Variants in TTC6 observed in about 807,000 individuals in gnomAD.
The protein encoded by TTC6 is tetratricopeptide repeat domain 6, also known as tetratricopeptide repeat protein 6.
Under a neutral mutation model 210.4 loss-of-function variants are expected in TTC6, and 172 were observed. The ratio of observed to expected loss-of-function variants is 0.82; its 90% CI spans 0.72 to 0.93. The LOEUF (loss-of-function observed/expected upper bound fraction) is 0.93. Among genes scored for constraint, TTC6 ranks in the 40% least tolerant of loss-of-function variants. The pLI, the probability that TTC6 is intolerant of heterozygous loss-of-function variation, is 0.00. For missense variants in TTC6, 2,414 were observed against 2,318.1 expected, an observed-to-expected ratio of 1.04 and a Z score of -0.85; for synonymous variants, 804 against 819.6, an observed-to-expected ratio of 0.98 and a Z score of 0.32.
At chr14:37,633,033 A>C (rs1250141067) in intron 1 of TTC6, among the ~76,000 whole-genome samples, 1 of 152,198 alleles carries the variant, frequency 6.6e-6, no homozygotes, top group Non-Finnish European at 1.5e-5. Context: ...AAGAATTTTA[A>C]GCCAGTGGAT....
intron 14 of TTC6, among the ~76,000 whole-genome samples, chr14:37,778,948 T>C (rs10872904): frequency 0.94 from 143,301 of 152,180 alleles, 67,796 homozygotes; most frequent in Non-Finnish European, 1. Flanking sequence ...GGGGTATGGG[T>C]ATCCCTGACT....
intron 1 of TTC6, among the ~76,000 whole-genome samples, chr14:37,656,252 A>C (rs1203687261): frequency 3.3e-5 from 5 of 152,182 alleles, no homozygotes; most frequent in Non-Finnish European, 5.9e-5. Flanking sequence ...AAGGCATCCC[A>C]AAAACTACAG....
intron 14 of TTC6, among the ~76,000 whole-genome samples, chr14:37,787,260 G>T (rs536487380): frequency 1.3e-5 from 2 of 152,172 alleles, no homozygotes; most frequent in Non-Finnish European, 2.9e-5. Context: ...TACCTGATAA[G>T]CATATAATTA....
At chr14:37,728,428 A>C (rs879598797) in intron 7 of TTC6, among the ~76,000 whole-genome samples, 145 of 150,166 alleles carry the variant, frequency 9.7e-4, no homozygotes, top group Admixed American at 1.2e-3. Context: ...AAAAAAAAAA[A>C]AAAAAAAAAA....
chr14:37,835,436 G>A (rs548677933), intron 29 of TTC6, among the ~76,000 whole-genome samples: 4 of 152,054 alleles, frequency 2.6e-5, no homozygotes, highest in African/African-American at 9.7e-5. Context: ...GGATAATTAG[G>A]ATCAAAATCT....
chr14:37,701,649 T>G, intron 5 of TTC6, 123 bp downstream of exon 7: 1 of 906,254 alleles, frequency 1.1e-6, no homozygotes, highest in Non-Finnish European at 1.6e-6. Flanking sequence ...GAGGGAGCAG[T>G]TTTTGTTTTT....
chr14:37,813,044 CAG>C (rs1179209188), intron 25 of TTC6, among the ~76,000 whole-genome samples: 2 of 152,008 alleles, frequency 1.3e-5, no homozygotes, highest in African/African-American at 4.8e-5. Context: ...GATTAAGAAA[CAG>C]AAGGTAAAAA....
chr14:37,772,095 TG>T (rs979673342), intron 14 of TTC6, among the ~76,000 whole-genome samples: 2 of 151,864 alleles, frequency 1.3e-5, no homozygotes, highest in Admixed American at 1.3e-4. Context: ...TGCTGGGGGG[TG>T]CCTCCCAGTT....
exon 1 of TTC6, chr14:37,622,310 T>A (rs1396563128): frequency 6.5e-7 from 1 of 1,533,946 alleles, no homozygotes; most frequent in Non-Finnish European, 8.7e-7. Context: ...TTAAAGGCCC[T>A]GCGATGTCCG....
rs1287547668 is a variant in TTC6, at chr14:37,787,652, A to G, written c.3436+15A>G. On this transcript the variant is annotated intron_variant, in intron 15 of 30. Coordinates refer to ENST00000553443, the Ensembl canonical transcript of TTC6. The stretch of plus-strand genomic sequence containing the variant: ...TAGTGTTTCAGGTACTTTGCCTTCA[A>G]TTACATGTATATAGCAACCCAATCT... 5 of 1,438,846 alleles carry G rather than the reference A, an allele frequency of 3.5e-6. No individual in the cohort carries two copies. Among genetic ancestry groups the G allele is most frequent in the East Asian group, 2.5e-5 (1 of 40,006 alleles). The allele number at this position is 1,438,846 out of a possible 1,614,324, so 89.1% of individuals were successfully genotyped here.
chr14:37,765,650 G>A (rs1595221835), intron 14 of TTC6, among the ~76,000 whole-genome samples: 1 of 152,016 alleles, frequency 6.6e-6, no homozygotes, highest in Non-Finnish European at 1.5e-5. Flanking sequence ...TCTTTACCTT[G>A]TTGTATGGTT....
intron 1 of TTC6, among the ~76,000 whole-genome samples, chr14:37,623,681 C>T (rs1052767699): frequency 7.9e-5 from 12 of 152,120 alleles, no homozygotes; most frequent in African/African-American, 2.4e-4. Flanking sequence ...AAAAGATTGG[C>T]ACAGTGTTCT....
In TTC6 at chr14:37,759,639, T is replaced by G. The variant is rs146339379; in HGVS notation, c.3266+6404T>G. 7.6e-4 allele frequency among the ~76,000 whole-genome samples: 116 copies of G among 152,322 alleles called. 1 individual carries two copies. In the Middle Eastern group the frequency reaches 0.01, roughly 13 times the overall value. ...TCCCTGTTACTTCCAGGTATACCAA[T>G]CAATCGTAGGTTTGGTCTTTTCACA... On this transcript the variant is annotated intron_variant, in intron 14 of 30. Transcript: ENST00000553443.
chr14:37,656,428 C>T (rs962303419), intron 1 of TTC6, among the ~76,000 whole-genome samples: 4 of 152,088 alleles, frequency 2.6e-5, no homozygotes, highest in African/African-American at 9.7e-5. Context: ...GTGAGAGAGA[C>T]AGGCTTCAAA....
chr14:37,670,417 G>A (rs781611498), intron 1 of TTC6, among the ~76,000 whole-genome samples: 14 of 146,202 alleles, frequency 9.6e-5, no homozygotes, highest in Non-Finnish European at 1.8e-4. Flanking sequence ...TACACAGTAT[G>A]TTTTGTTAAC....
intron 29 of TTC6, among the ~76,000 whole-genome samples, chr14:37,836,518 A>C (rs2096198195): frequency 6.6e-6 from 1 of 152,184 alleles, no homozygotes; most frequent in South Asian, 2.1e-4. Context: ...GGTTAGATCT[A>C]AAGTGTAGTT....
intron 3 of TTC6, among the ~76,000 whole-genome samples, chr14:37,691,301 G>C (rs192703811): frequency 6.2e-4 from 95 of 152,214 alleles, no homozygotes; most frequent in Non-Finnish European, 2.9e-5. Context: ...CTGCACTACA[G>C]CCTGTGTGAC....
intron 4 of TTC6, among the ~76,000 whole-genome samples, chr14:37,700,712 C>A (rs2095823421): frequency 7.7e-6 from 1 of 130,326 alleles, no homozygotes; most frequent in Non-Finnish European, 1.5e-5. Flanking sequence ...TACTGCATCC[C>A]AGCCTGAGAC....
At chr14:37,739,052 G>A (rs1182012622) in exon 10 of TTC6, 2 of 1,534,716 alleles carry the variant, frequency 1.3e-6, no homozygotes, top group African/African-American at 1.4e-5. Flanking sequence ...TAGTTACATT[G>A]TTTATCCCAA....
Sources: gnomAD v4.1 joint callset for allele counts (sites outside exome capture counted in the v4.1 genomes callset) on GRCh38, gnomAD v4.1.1 for gene constraint, MANE v1.5 for transcripts, NCBI Gene and HGNC (gene_info 2026-07-23, HGNC 2026-07-21) for gene names.